Variants in MILR1 observed in about 807,000 individuals in gnomAD.
The protein encoded by MILR1 is allergin-1.
MILR1 carries 31 observed loss-of-function variants against 18.5 expected under a neutral mutation model. The ratio of observed to expected loss-of-function variants is 1.68; its 90% CI spans 1.26 to 2.26. The LOEUF (loss-of-function observed/expected upper bound fraction) is 2.26, where lower values mean the gene tolerates loss of function less well. Among genes scored for constraint, MILR1 ranks in the 30% most tolerant of loss-of-function variants. MILR1 has a pLI of 0.00. For synonymous variants in MILR1, 85 were observed against 56.2 expected (o/e 1.51, Z -2.30); for missense variants, 257 against 157.4 (o/e 1.63, Z -3.38).
At chr17:64,454,401 A>C (rs1487996838) in intron 3 of MILR1, among the ~76,000 whole-genome samples, 1 of 152,288 alleles carries the variant, frequency 6.6e-6, no homozygotes, top group East Asian at 1.9e-4. Context: ...AAGTCAATTA[A>C]AATTAGATGA....
At chr17:64,465,869 C>CT (rs2037545614) in intron 6 of MILR1, among the ~76,000 whole-genome samples, 1 of 152,074 alleles carries the variant, frequency 6.6e-6, no homozygotes, top group Non-Finnish European at 1.5e-5. Context: ...GTTTCACAGT[C>CT]TTTCACGGTC....
At chr17:64,451,674 C>A (rs1360669549) in intron 2 of MILR1, among the ~76,000 whole-genome samples, 1 of 152,020 alleles carries the variant, frequency 6.6e-6, no homozygotes, top group Non-Finnish European at 1.5e-5. Context: ...TGACTCACAC[C>A]TGTAATCCCG....
chr17:64,491,132 ATTT>A, the MILR1 span, among the ~76,000 whole-genome samples: 2 of 151,644 alleles, frequency 1.3e-5, no homozygotes, highest in South Asian at 4.2e-4. Context: ...TCTAATTTAC[ATTT>A]TTTTTTGAGA....
chr17:64,482,971 G>A, the MILR1 span: 1 of 1,607,240 alleles, frequency 6.2e-7, no homozygotes, highest in Non-Finnish European at 8.5e-7. Flanking sequence ...AACCTTAATA[G>A]GGGCTAAACA....
At chr17:64,496,608 A>C in the MILR1 span, 224 of 1,613,486 alleles carry the variant, frequency 1.4e-4, 1 homozygote, top group South Asian at 1.2e-3. Context: ...TGCTCCCTGA[A>C]CACCACCACC....
chr17:64,469,507 C>T (rs1024268692), downstream of MILR1, among the ~76,000 whole-genome samples: 1 of 152,174 alleles, frequency 6.6e-6, no homozygotes, highest in African/African-American at 2.4e-5. Context: ...AAGCGATTCT[C>T]CTGCCTCAGC....
At chr17:64,460,036 AT>A (rs1402808622) in intron 4 of MILR1, among the ~76,000 whole-genome samples, 2 of 136,186 alleles carry the variant, frequency 1.5e-5, no homozygotes, top group African/African-American at 5.5e-5. Flanking sequence ...TTATTTATTT[AT>A]TTATTTATTT....
the MILR1 span, among the ~76,000 whole-genome samples, chr17:64,494,135 C>T: frequency 6.6e-6 from 1 of 152,110 alleles, no homozygotes; most frequent in East Asian, 1.9e-4. Flanking sequence ...AGAACATTTC[C>T]CTTGCCTCCT....
At position 64,456,561 on chromosome 17, in the gene MILR1, G is replaced by A. The variant is rs1245364002; in HGVS notation, c.368-839G>A. Among the ~76,000 whole-genome samples, 10 of 152,104 alleles carry A rather than the reference G, an allele frequency of 6.6e-5. No individual in the cohort carries two copies. In the East Asian group the frequency reaches 7.7e-4, roughly 12 times the overall value. Reference sequence around the variant, plus strand: ...CATGGTGGCTCACACCTGAAATCCCGGCACTTTGGGAGGCTGAGGTGGGAA... The same window carrying A: ...CATGGTGGCTCACACCTGAAATCCCAGCACTTTGGGAGGCTGAGGTGGGAA... On this transcript the variant is annotated intron_variant, in intron 3 of 9. Coordinates refer to ENST00000619286, the MANE Select transcript of MILR1 (RefSeq NM_001085423.2).
the MILR1 span, chr17:64,490,595 G>A: frequency 1.7e-6 from 1 of 583,680 alleles, no homozygotes; most frequent in East Asian, 3.0e-5. Flanking sequence ...TCAATTTGTA[G>A]GGCTCTGTGG....
At chr17:64,492,911 G>C in the MILR1 span, 1 of 1,613,752 alleles carries the variant, frequency 6.2e-7, no homozygotes, top group African/African-American at 1.3e-5. Flanking sequence ...ACACCATTTC[G>C]TATCTGCTTA....
chr17:64,494,892 G>A, the MILR1 span, among the ~76,000 whole-genome samples: 1 of 152,214 alleles, frequency 6.6e-6, no homozygotes, highest in African/African-American at 2.4e-5. Context: ...AAGATCTGGA[G>A]GCCGGGCGCA....
At chr17:64,454,581 A>G (rs1326577676) in intron 3 of MILR1, among the ~76,000 whole-genome samples, 2 of 152,348 alleles carry the variant, frequency 1.3e-5, no homozygotes, top group Admixed American at 6.5e-5. Context: ...TTTTTAGGTT[A>G]TAACTGTCTT....
chr17:64,462,745 A>G lies in MILR1; in HGVS notation c.763+1813A>G, dbSNP rs967605982. 4.2e-4 allele frequency among the ~76,000 whole-genome samples: 64 copies of G among 151,170 alleles called. 1 individual carries two copies. The highest frequency in any genetic ancestry group is 1.5e-3 in the African/African-American group (63 of 41,070). On this transcript the variant is annotated intron_variant, in intron 5 of 9. Transcript: ENST00000619286. ...AGCCTCTGTCTCCCTGGTTCAAGCG[A>G]TTCTCCTGCCTCAGCCTCCTGAGTA...
the MILR1 span, chr17:64,483,149 G>A: frequency 6.7e-5 from 38 of 563,118 alleles, no homozygotes; most frequent in South Asian, 8.5e-4. Flanking sequence ...AGTTAGCTGA[G>A]GTCATAAAAA....
At position 64,460,850 on chromosome 17, in the gene MILR1, GCTA is replaced by G. The variant is rs2037415710; in HGVS notation, c.687_689del (p.Leu230del). 2.1e-6 allele frequency: 1 copy of G among 475,128 alleles called. No homozygotes were observed. Among genetic ancestry groups the G allele is most frequent in the East Asian group, 3.1e-5 (1 of 32,052 alleles). The allele number at this position is 475,128 out of a possible 1,614,324, so 29.4% of individuals were successfully genotyped here. A position where few individuals can be genotyped will look rare whatever the true frequency, so the allele number is the denominator to read the frequency against. On this transcript the variant is annotated inframe_deletion, in exon 5 of 10. Coordinates refer to ENST00000619286, the MANE Select transcript of MILR1 (RefSeq NM_001085423.2). ...GAGACAGCTGTCCTTTCTGTCTGAA[GCTA>G]CTACTTCCAGGGTTATTACTGTTGC...
downstream of MILR1, among the ~76,000 whole-genome samples, chr17:64,470,178 C>T (rs2037666085): frequency 6.6e-6 from 1 of 152,186 alleles, no homozygotes; most frequent in Admixed American, 6.5e-5. Flanking sequence ...ACTGCAACCT[C>T]TGCCTCCCGG....
chr17:64,497,350 A>C, the MILR1 span, among the ~76,000 whole-genome samples: 1 of 152,276 alleles, frequency 6.6e-6, no homozygotes, highest in Non-Finnish European at 1.5e-5. Flanking sequence ...CTTCAGTATT[A>C]TCCAAATCAC....
chr17:64,467,650 G>A lies in MILR1; in HGVS notation c.*28+5G>A. 6.6e-7 allele frequency: 1 copy of A among 1,524,066 alleles called. No individual in the cohort carries two copies. The highest frequency in any genetic ancestry group is 8.9e-7 in the Non-Finnish European group (1 of 1,117,548). 94.4% of individuals were successfully genotyped at this position (1,524,066 alleles called of 1,614,324 possible). A position where few individuals can be genotyped will look rare whatever the true frequency, so the allele number is the denominator to read the frequency against. The stretch of plus-strand genomic sequence containing the variant: ...AGAAACAAACTACATCTCAGGGTAA[G>A]ATGCTTTTTATGAAGCTGATTTCCA... On this transcript the variant is annotated splice_donor_5th_base_variant and intron_variant, in intron 9 of 9. Transcript: ENST00000619286.
Sources: allele counts gnomAD v4.1 joint callset (sites outside exome capture counted in the v4.1 genomes callset), GRCh38; gene constraint gnomAD v4.1.1; transcripts MANE v1.5; gene names NCBI Gene and HGNC (gene_info 2026-07-23, HGNC 2026-07-21).